Variants in PLCG2 observed in about 807,000 individuals in gnomAD.
PLCG2 encodes phospholipase C gamma 2, also known as 1-phosphatidylinositol 4,5-bisphosphate phosphodiesterase gamma-2.
Under a neutral mutation model 175.6 loss-of-function variants are expected in PLCG2, and 69 were observed. The observed-to-expected ratio is 0.39, with a 90% CI of 0.32 to 0.48. The LOEUF (loss-of-function observed/expected upper bound fraction) is 0.48, where lower values mean the gene tolerates loss of function less well. Among genes scored for constraint, PLCG2 ranks in the 20% least tolerant of loss-of-function variants. The pLI is 0.91. For synonymous variants in PLCG2, 827 were observed against 624.0 expected (o/e 1.33, Z -4.85); for missense variants, 1,798 against 1,650.9 (o/e 1.09, Z -1.54).
intron 24 of PLCG2, among the ~76,000 whole-genome samples, chr16:81,929,372 G>T (rs967239293): frequency 2.6e-5 from 4 of 152,200 alleles, no homozygotes; most frequent in African/African-American, 9.6e-5. Flanking sequence ...TATTGCCAAT[G>T]CTCTGCTTTA....
At chr16:81,847,309 A>G (rs1906173623) in intron 2 of PLCG2, among the ~76,000 whole-genome samples, 1 of 152,218 alleles carries the variant, frequency 6.6e-6, no homozygotes. Flanking sequence ...AGCAACCAAG[A>G]AGCTCTCTAA....
intron 2 of PLCG2, among the ~76,000 whole-genome samples, chr16:81,853,965 C>T (rs1428741610): frequency 2.6e-5 from 4 of 152,124 alleles, no homozygotes; most frequent in Admixed American, 6.5e-5. Flanking sequence ...CCTCTTCCCC[C>T]TTTAATTGAG....
At chr16:81,741,607 C>T (rs1909595652) in intron 1 of PLCG2, among the ~76,000 whole-genome samples, 1 of 152,112 alleles carries the variant, frequency 6.6e-6, no homozygotes, top group Non-Finnish European at 1.5e-5. Context: ...GCCAGGAGTT[C>T]AAGACCAGCC....
intron 2 of PLCG2, among the ~76,000 whole-genome samples, chr16:81,840,244 C>A (rs150361813): frequency 6.6e-6 from 1 of 152,250 alleles, no homozygotes; most frequent in East Asian, 1.9e-4. Flanking sequence ...GACAGCTGGC[C>A]CCTGAGCTGC....
chr16:81,890,884 C>T lies in PLCG2; in HGVS notation c.868-588C>T, dbSNP rs188214403. Among the ~76,000 whole-genome samples, 859 of 152,242 alleles carry T rather than the reference C, an allele frequency of 5.6e-3. 7 individuals are homozygous for T. The highest frequency in any genetic ancestry group is 0.014 in the Middle Eastern group (4 of 294). On this transcript the variant is annotated intron_variant, in intron 10 of 32. Transcript: ENST00000564138. ...ATGCTTTAAATTGTATATATGAGGC[C>T]GGGTGCAGTGGCTCACGCCTGTAAT...
upstream of PLCG2, among the ~76,000 whole-genome samples, chr16:81,777,505 A>T (rs1468494868): frequency 1.3e-5 from 2 of 151,630 alleles, no homozygotes; most frequent in African/African-American, 4.8e-5. Context: ...TTCCTGGGGA[A>T]TTGGCCCAAT....
chr16:81,929,975 C>A lies in PLCG2; in HGVS notation c.2581+1351C>A, dbSNP rs141137598. Reference sequence around the variant, plus strand: ...TTGGAGTCAGGTTTGAACTGAGCCTCAGTTTTACTACTACTAGCTGTATGA... The same window carrying A: ...TTGGAGTCAGGTTTGAACTGAGCCTAAGTTTTACTACTACTAGCTGTATGA... On this transcript the variant is annotated intron_variant, in intron 24 of 32. Transcript: ENST00000564138. 2.6e-5 allele frequency among the ~76,000 whole-genome samples: 4 copies of A among 152,176 alleles called. No homozygotes were observed. In the East Asian group the frequency reaches 7.7e-4, roughly 29 times the overall value.
intron 5 of PLCG2, among the ~76,000 whole-genome samples, chr16:81,859,701 AT>A (rs947014149): frequency 6.6e-6 from 1 of 151,666 alleles, no homozygotes; most frequent in Non-Finnish European, 1.5e-5. Flanking sequence ...TGCCCGGCTA[AT>A]TTTTTTTGTA....
At chr16:81,809,245 G>A (rs774721785) in intron 2 of PLCG2, among the ~76,000 whole-genome samples, 1 of 152,132 alleles carries the variant, frequency 6.6e-6, no homozygotes, top group Non-Finnish European at 1.5e-5. Context: ...GACTATGCCT[G>A]AGGGCTTCTG....
chr16:81,804,543 C>T (rs565637474), intron 2 of PLCG2, among the ~76,000 whole-genome samples: 95 of 152,346 alleles, frequency 6.2e-4, no homozygotes, highest in African/African-American at 2.0e-3. Flanking sequence ...TTTTAACCAT[C>T]ACTTCTGCTT....
At chr16:81,882,873 G>A (rs937589748) in intron 8 of PLCG2, among the ~76,000 whole-genome samples, 4 of 151,804 alleles carry the variant, frequency 2.6e-5, no homozygotes, top group Non-Finnish European at 5.9e-5. Context: ...CTGGGTTTGG[G>A]GCCTTCTCAG....
At chr16:81,915,120 G>A (rs1021485493) in intron 19 of PLCG2, among the ~76,000 whole-genome samples, 3 of 152,214 alleles carry the variant, frequency 2.0e-5, no homozygotes, top group Non-Finnish European at 2.9e-5. Flanking sequence ...GGAAATCAGT[G>A]TAGTATTTTG....
chr16:81,764,639 A>G (rs1358236061), intron 2 of PLCG2, among the ~76,000 whole-genome samples: 1 of 152,178 alleles, frequency 6.6e-6, no homozygotes, highest in African/African-American at 2.4e-5. Context: ...TGGCAAGCCT[A>G]ATTTTCTCCA....
At chr16:81,873,106 CAAATG>C (rs1352726944) in intron 7 of PLCG2, among the ~76,000 whole-genome samples, 1 of 152,040 alleles carries the variant, frequency 6.6e-6, no homozygotes, top group East Asian at 1.9e-4. Context: ...ATTTGTTTGC[CAAATG>C]AAATAGAAAG....
rs552646904 is a variant in PLCG2 at position 81,860,857 on chromosome 16, G to T, written c.479+1694G>T. Among the ~76,000 whole-genome samples the T allele has an allele frequency of 2.6e-5, 4 of 152,124 alleles. No homozygotes were observed. The East Asian group carries it at 7.7e-4, about 29-fold the overall frequency. ...ATGGTAGCACGCTCCTGTAGTCCCA[G>T]CTACTCAGCCTCAGGAGGCTGAGGC... On this transcript the variant is annotated intron_variant, in intron 5 of 32. Coordinates refer to ENST00000564138, the MANE Select transcript of PLCG2 (RefSeq NM_002661.5).
intron 2 of PLCG2, among the ~76,000 whole-genome samples, chr16:81,802,437 T>C (rs759869787): frequency 1.8e-4 from 28 of 151,806 alleles, no homozygotes; most frequent in African/African-American, 4.8e-4. Flanking sequence ...CTTATTCATG[T>C]CTGTACTTCC....
intron 2 of PLCG2, among the ~76,000 whole-genome samples, chr16:81,818,616 C>T (rs1223430454): frequency 6.6e-6 from 1 of 152,120 alleles, no homozygotes; most frequent in Non-Finnish European, 1.5e-5. Context: ...GTGGCCTGAA[C>T]AATAGCCAGG....
At chr16:81,841,587 G>C (rs1224100727) in intron 2 of PLCG2, among the ~76,000 whole-genome samples, 1 of 152,022 alleles carries the variant, frequency 6.6e-6, no homozygotes, top group Non-Finnish European at 1.5e-5. Flanking sequence ...TATCTCTATA[G>C]GGTGTATGTT....
At chr16:81,868,637 A>C (rs1459061218) in intron 5 of PLCG2, among the ~76,000 whole-genome samples, 1 of 152,252 alleles carries the variant, frequency 6.6e-6, no homozygotes, top group African/African-American at 2.4e-5. Context: ...CCCAGGCTTC[A>C]TTGAATTTCT....
Sources: allele counts gnomAD v4.1 joint callset (sites outside exome capture counted in the v4.1 genomes callset), GRCh38; gene constraint gnomAD v4.1.1; transcripts MANE v1.5; gene names NCBI Gene and HGNC (gene_info 2026-07-23, HGNC 2026-07-21).